ANKS1B: variants seen among roughly 807,000 people sequenced by gnomAD.
The protein encoded by ANKS1B is ankyrin repeat and sterile alpha motif domain-containing protein 1B.
Under a neutral mutation model 148.3 loss-of-function variants are expected in ANKS1B, and 36 were observed. The ratio of observed to expected loss-of-function variants is 0.24; its 90% CI spans 0.19 to 0.32. The LOEUF is 0.32. Ranked by LOEUF, ANKS1B falls within the 10% of genes least tolerant of loss-of-function variation. The pLI is 1.00. For missense variants in ANKS1B, 1,157 were observed against 1,542.6 expected (o/e 0.75, Z 4.19); for synonymous variants, 542 against 560.8 (o/e 0.97, Z 0.47).
intron 1 of ANKS1B, among the ~76,000 whole-genome samples, chr12:99,882,685 G>A (rs2092594236): frequency 6.6e-6 from 1 of 152,112 alleles, no homozygotes; most frequent in Non-Finnish European, 1.5e-5. Context: ...ACAACACAAT[G>A]GGTGCAGTGT....
intron 14 of ANKS1B, among the ~76,000 whole-genome samples, chr12:99,234,763 CTT>C (rs35192722): frequency 1.8e-4 from 27 of 147,058 alleles, no homozygotes; most frequent in African/African-American, 2.7e-4. Flanking sequence ...GTCTGTCTGA[CTT>C]TTTTTTTTTT....
intron 12 of ANKS1B, among the ~76,000 whole-genome samples, chr12:99,343,323 T>G (rs140029942): frequency 2.0e-5 from 3 of 152,216 alleles, no homozygotes; most frequent in Non-Finnish European, 4.4e-5. Flanking sequence ...TTTAAATACA[T>G]GGTTTATTTC....
At chr12:99,553,959 A>G (rs1404447891) in intron 9 of ANKS1B, among the ~76,000 whole-genome samples, 1 of 152,174 alleles carries the variant, frequency 6.6e-6, no homozygotes, top group Non-Finnish European at 1.5e-5. Context: ...TTTTTGGACA[A>G]TTGAGAAACA....
intron 11 of ANKS1B, among the ~76,000 whole-genome samples, chr12:99,433,896 C>T (rs886425758): frequency 2.0e-5 from 3 of 152,052 alleles, no homozygotes; most frequent in African/African-American, 7.2e-5. Context: ...AGCACAGTCT[C>T]CTTTGGTTGG....
chr12:98,740,662 C>T (rs554287096), downstream of ANKS1B, among the ~76,000 whole-genome samples: 3 of 152,300 alleles, frequency 2.0e-5, no homozygotes, highest in South Asian at 2.1e-4. Flanking sequence ...CAGTGACCAC[C>T]GCAATATCCA....
chr12:99,928,271 A>ATTTTTTTTTTTTTTTTTTT (rs763106581), intron 1 of ANKS1B, among the ~76,000 whole-genome samples: 1 of 99,068 alleles, frequency 1.0e-5, no homozygotes, highest in Non-Finnish European at 2.3e-5. Flanking sequence ...ATTTTATTTT[A>ATTTTTTTTTTTTTTTTTTT]TTTTTTTTTT....
At chr12:99,115,389 G>A (rs1408779528) in intron 15 of ANKS1B, among the ~76,000 whole-genome samples, 1 of 152,174 alleles carries the variant, frequency 6.6e-6, no homozygotes, top group South Asian at 2.1e-4. Context: ...AATACCACAT[G>A]TTCTCATTTG....
intron 10 of ANKS1B, among the ~76,000 whole-genome samples, chr12:99,468,193 A>T (rs920409310): frequency 6.6e-6 from 1 of 152,142 alleles, no homozygotes; most frequent in African/African-American, 2.4e-5. Context: ...TGGGGAAAGG[A>T]TTCCCTATTT....
chr12:99,798,316 T>C (rs577541068), intron 4 of ANKS1B, among the ~76,000 whole-genome samples: 1 of 150,482 alleles, frequency 6.6e-6, no homozygotes, highest in East Asian at 2.0e-4. Context: ...TAAATAAAGA[T>C]AACCTTACTG....
intron 9 of ANKS1B, among the ~76,000 whole-genome samples, chr12:99,505,792 G>T (rs1032217931): frequency 6.6e-6 from 1 of 151,684 alleles, no homozygotes; most frequent in Non-Finnish European, 1.5e-5. Flanking sequence ...TTTTGCTACA[G>T]ATCCTCCTCA....
At chr12:99,307,872 G>A (rs866998328) in intron 12 of ANKS1B, among the ~76,000 whole-genome samples, 2 of 152,146 alleles carry the variant, frequency 1.3e-5, no homozygotes, top group Non-Finnish European at 1.5e-5. Context: ...CTTGCTGGAG[G>A]TCACACAGCC....
intron 25 of ANKS1B, among the ~76,000 whole-genome samples, chr12:98,764,499 A>G (rs2098454963): frequency 6.6e-6 from 1 of 152,202 alleles, no homozygotes; most frequent in South Asian, 2.1e-4. Context: ...AAGTGCTGGG[A>G]TTACAGGCGT....
intron 15 of ANKS1B, among the ~76,000 whole-genome samples, chr12:99,127,910 G>C (rs543187353): frequency 1.1e-4 from 16 of 152,222 alleles, no homozygotes; most frequent in Admixed American, 3.3e-4. Flanking sequence ...AATTTATTTT[G>C]AAAAGATACA....
chr12:98,769,165 C>CTTTTTTTTTTTT lies in ANKS1B; in HGVS notation c.3579+3865_3579+3876dup, dbSNP rs1182264550. Among the ~76,000 whole-genome samples, 72 of 41,232 alleles carry CTTTTTTTTTTTT rather than the reference C, an allele frequency of 1.7e-3. 18 individuals carry two copies. Among genetic ancestry groups the CTTTTTTTTTTTT allele is most frequent in the East Asian group, 5.1e-3 (4 of 782 alleles). 27.0% of individuals were successfully genotyped at this position (41,232 alleles called of 152,430 possible). On this transcript the variant is annotated intron_variant, in intron 25 of 26. Transcript: ENST00000683438. ...TTGAGGTATTATAGGGTCTTCTTTA[C>CTTTTTTTTTTTT]TTTTTTTTTTTTTTTTTTTTTTTTT...
intron 14 of ANKS1B, among the ~76,000 whole-genome samples, chr12:99,159,827 C>G (rs1055985379): frequency 6.6e-5 from 10 of 152,180 alleles, no homozygotes; most frequent in Admixed American, 4.6e-4. Flanking sequence ...AGAGTCTGAA[C>G]TAAGTGACAT....
intron 2 of ANKS1B, among the ~76,000 whole-genome samples, chr12:99,823,767 T>C (rs2082810724): frequency 6.6e-6 from 1 of 152,236 alleles, no homozygotes; most frequent in African/African-American, 2.4e-5. Context: ...TTTTTGTATA[T>C]GGTGAAAGGT....
intron 24 of ANKS1B, among the ~76,000 whole-genome samples, chr12:98,774,209 C>T (rs1489306952): frequency 2.0e-5 from 3 of 152,202 alleles, no homozygotes; most frequent in African/African-American, 7.2e-5. Context: ...GCAACTGGTA[C>T]TCAAAGAATT....
chr12:99,334,129 AATAG>A (rs777484418), intron 12 of ANKS1B, among the ~76,000 whole-genome samples: 388 of 150,836 alleles, frequency 2.6e-3, no homozygotes, highest in South Asian at 6.7e-3. Flanking sequence ...TGCTCCTCTA[AATAG>A]ATAGATAGAT....
intron 8 of ANKS1B, among the ~76,000 whole-genome samples, chr12:99,743,057 T>G (rs1330203348): frequency 6.6e-6 from 1 of 152,208 alleles, no homozygotes; most frequent in Non-Finnish European, 1.5e-5. Context: ...TACCTCTAAG[T>G]GCTTTCTCTA....
Sources: allele counts gnomAD v4.1 joint callset (sites outside exome capture counted in the v4.1 genomes callset), GRCh38; gene constraint gnomAD v4.1.1; transcripts MANE v1.5; gene names NCBI Gene and HGNC (gene_info 2026-07-23, HGNC 2026-07-21).